Variants in NEURL1B observed in about 807,000 individuals in gnomAD.
The protein encoded by NEURL1B is E3 ubiquitin-protein ligase NEURL1B.
NEURL1B carries 13 observed loss-of-function variants against 37.4 expected under a neutral mutation model. That is an observed-to-expected ratio of 0.35 (90% CI 0.23 to 0.55). NEURL1B has a LOEUF of 0.55. NEURL1B is among the 20% of genes least tolerant of loss of function. The probability of loss-of-function intolerance (pLI) is 0.89; values close to 1 mark genes in which losing one functional copy is unlikely to be tolerated. For synonymous variants in NEURL1B, 432 were observed against 426.6 expected, an observed-to-expected ratio of 1.01 and a Z score of -0.16; for missense variants, 790 against 879.2, an observed-to-expected ratio of 0.90 and a Z score of 1.28.
chr5:172,673,079 A>G (rs7701254), intron 2 of NEURL1B, among the ~76,000 whole-genome samples: 31,537 of 152,108 alleles, frequency 0.21, 4,521 homozygotes, highest in African/African-American at 0.42. Flanking sequence ...ACATCTGGGT[A>G]AAGGGATTAT....
chr5:172,641,500 G>A lies in NEURL1B; in HGVS notation c.31+63G>A, dbSNP rs1330211008. The A allele has an allele frequency of 4.9e-6, 6 of 1,231,436 alleles. No homozygotes were observed. 76.3% of individuals were successfully genotyped at this position (1,231,436 alleles called of 1,614,324 possible). On this transcript the variant is annotated intron_variant, in intron 1 of 4. Coordinates refer to ENST00000369800, the MANE Select transcript of NEURL1B (RefSeq NM_001142651.3). This position sits in a 1 kb window ranked among gnomAD's most constrained non-coding sequence, Gnocchi z 6.4. ...GCTTCTCTCCTCCGGGGGACCCGCT[G>A]GGTGACTCTGGAGAGCTACCCCACG...
intron 1 of NEURL1B, chr5:172,656,690 C>G (rs931626408): frequency 3.4e-6 from 5 of 1,461,366 alleles, no homozygotes; most frequent in East Asian, 2.3e-5. Context: ...GTGGCTTCTT[C>G]TTGCCACCTT....
At chr5:172,656,881 CGAT>C (rs1757790905) in intron 1 of NEURL1B, among the ~76,000 whole-genome samples, 1 of 152,110 alleles carries the variant, frequency 6.6e-6, no homozygotes, top group South Asian at 2.1e-4. Flanking sequence ...CATGGGGCTG[CGAT>C]GATGAATAAA....
At position 172,657,011 on chromosome 5, in the gene NEURL1B, G is replaced by A. The variant is rs1305774161; in HGVS notation, c.32-12774G>A. ...GCTCCCAAAATTGATCTGTGCAGTA[G>A]GACCAAATAGTCCTGCTATAGACTA... On this transcript the variant is annotated intron_variant, in intron 1 of 4. Coordinates refer to ENST00000369800, the MANE Select transcript of NEURL1B (RefSeq NM_001142651.3). This position sits in a 1 kb window ranked among gnomAD's most constrained non-coding sequence, Gnocchi z 4.0. Among the ~76,000 whole-genome samples, 1 of 152,172 alleles carries A rather than the reference G, an allele frequency of 6.6e-6. No individual in the cohort carries two copies. The highest frequency in any genetic ancestry group is 1.5e-5 in the Non-Finnish European group (1 of 68,028).
rs1212915358 is a variant in NEURL1B, at chr5:172,691,474, T to C, written c.*4549T>C. The stretch of plus-strand genomic sequence containing the variant: ...GTGTGTTTTGATTTTTGTCTTTTTA[T>C]CTGTTTTATATTGACATAATTTTCC... On this transcript the variant is annotated 3_prime_UTR_variant, in exon 5 of 5. Transcript: ENST00000369800. 2 of 151,336 alleles carry C rather than the reference T, an allele frequency of 1.3e-5. No homozygotes were observed. The highest frequency in any genetic ancestry group is 1.9e-4 in the East Asian group (1 of 5,144). The allele number at this position is 151,336 out of a possible 1,614,324, so 9.4% of individuals were successfully genotyped here.
chr5:172,642,946 C>G (rs757736955), intron 1 of NEURL1B, among the ~76,000 whole-genome samples: 1 of 152,236 alleles, frequency 6.6e-6, no homozygotes, highest in Non-Finnish European at 1.5e-5. Context: ...TGAGGCACCT[C>G]GGCACAGGCC....
rs1031564077 is a variant in NEURL1B at position 172,647,531 on chromosome 5, C to T, written c.31+6094C>T. 5.3e-5 allele frequency among the ~76,000 whole-genome samples: 8 copies of T among 152,094 alleles called. No homozygotes were observed. The East Asian group carries it at 5.8e-4, about 11-fold the overall frequency. On this transcript the variant is annotated intron_variant, in intron 1 of 4. Transcript: ENST00000369800. The surrounding 1 kb of genome is among the most constrained non-coding windows in gnomAD (Gnocchi z 4.2). ...TCCACACCCCTTCCCCTCCATCCCA[C>T]GGGGCACTGCACCCTGGGGCCTCTT...
rs1443250400 is a variant in NEURL1B at position 172,689,818 on chromosome 5, C to T, written c.*2893C>T. 6.6e-6 allele frequency: 1 copy of T among 152,428 alleles called. No homozygotes were observed. The highest frequency in any genetic ancestry group is 1.5e-5 in the Non-Finnish European group (1 of 68,204). 9.4% of individuals were successfully genotyped at this position (152,428 alleles called of 1,614,324 possible). ...GGGTTCCAGCCCCAGCCAGGCCCCT[C>T]CGCTGCCCACACCCTGGGAGGAGAA... On this transcript the variant is annotated 3_prime_UTR_variant, in exon 5 of 5. Transcript: ENST00000369800.
chr5:172,663,689 G>T (rs1757947650), intron 1 of NEURL1B, among the ~76,000 whole-genome samples: 1 of 151,844 alleles, frequency 6.6e-6, no homozygotes, highest in Admixed American at 6.6e-5. Flanking sequence ...TTGGTCAGAA[G>T]TGGGGGGCAC....
At position 172,687,002 on chromosome 5, in the gene NEURL1B, G is replaced by T. The variant is rs1473541370; in HGVS notation, c.*77G>T. ...CCCTGGGCTGGGCAACCACATGGCT[G>T]CCAGGGAGTCCACGGGCAGCGGCCA... is the stretch of plus-strand genomic sequence containing the variant. On this transcript the variant is annotated 3_prime_UTR_variant, in exon 5 of 5. Transcript: ENST00000369800. The T allele has an allele frequency of 4.1e-6, 6 of 1,470,666 alleles. No individual in the cohort carries two copies. Among genetic ancestry groups the T allele is most frequent in the East Asian group, 2.5e-5 (1 of 40,010 alleles). 91.1% of individuals were successfully genotyped at this position (1,470,666 alleles called of 1,614,324 possible). A position where few individuals can be genotyped will look rare whatever the true frequency, so the allele number is the denominator to read the frequency against.
Position 172,683,598 on chromosome 5 carries a change from G to A in NEURL1B, c.757G>A (p.Asp253Asn), listed in dbSNP as rs1480448531. 4.7e-6 allele frequency: 6 copies of A among 1,274,772 alleles called. No individual in the cohort carries two copies. The highest frequency in any genetic ancestry group is 5.9e-6 in the Non-Finnish European group (6 of 1,010,992). 79.0% of individuals were successfully genotyped at this position (1,274,772 alleles called of 1,614,324 possible). A position where few individuals can be genotyped will look rare whatever the true frequency, so the allele number is the denominator to read the frequency against. The change falls in exon 3 of 5, where the codon GAC becomes AAC. Residue 253 changes from aspartate (D) to asparagine (N), a missense_variant. Transcript: ENST00000369800. This position sits in a 1 kb window ranked among gnomAD's most constrained non-coding sequence, Gnocchi z 5.6. ...CCGCGCCCCGGGCCCACCGCCAGCC[G>A]ACGCCGCGGCCGCCGCCATTCCGTG... Reference protein sequence around the residue: ...LGRAPGPPPADAAAAAIPCGP... With the variant: ...LGRAPGPPPANAAAAAIPCGP...
At position 172,683,839 on chromosome 5, in the gene NEURL1B, C is replaced by T. The variant is rs1258938911; in HGVS notation, c.998C>T (p.Ala333Val). The T allele has an allele frequency of 1.5e-6, 2 of 1,325,508 alleles. No individual in the cohort carries two copies. The highest frequency in any genetic ancestry group is 1.7e-5 in the South Asian group (1 of 57,990). 82.1% of individuals were successfully genotyped at this position (1,325,508 alleles called of 1,614,324 possible). The change falls in exon 3 of 5, where the codon GCG (alanine) becomes GTG (valine). Residue 333 changes from alanine (A) to valine (V), a missense_variant. Transcript: ENST00000369800. This position sits in a 1 kb window ranked among gnomAD's most constrained non-coding sequence, Gnocchi z 5.6. ...GTGGAGGTGGGCCGTCCGGGGCTGG[C>T]GGCGCCCGGCGCGCTGGCCTTCGGC... The part of the protein sequence containing the change: ...LFVEVGRPGL[A>V]APGALAFGIT...
At chr5:172,652,526 C>T (rs917969335) in intron 1 of NEURL1B, among the ~76,000 whole-genome samples, 2 of 152,186 alleles carry the variant, frequency 1.3e-5, no homozygotes, top group South Asian at 2.1e-4. Flanking sequence ...TTACAGAAAC[C>T]GGTTGGGGCA....
chr5:172,684,086 C>A lies in NEURL1B; in HGVS notation c.1245C>A (p.Leu415=). The A allele has an allele frequency of 7.7e-7, 1 of 1,292,554 alleles. No homozygotes were observed. The highest frequency in any genetic ancestry group is 2.2e-5 in the South Asian group (1 of 45,754). The allele number at this position is 1,292,554 out of a possible 1,614,324, so 80.1% of individuals were successfully genotyped here. A position where few individuals can be genotyped will look rare whatever the true frequency, so the allele number is the denominator to read the frequency against. ...TGTGCGTCGACACCACGCAGGCGCT[C>A]TGGGCCTTCTTCGCCGTGCGCGGCG... ...RLLCVDTTQA[L]WAFFAVRGGV... The change falls in exon 3 of 5, where the codon CTC becomes CTA. Residue 415 remains leucine, a synonymous_variant. Coordinates refer to ENST00000369800, the MANE Select transcript of NEURL1B (RefSeq NM_001142651.3).
chr5:172,650,849 G>A (rs1757650046), intron 1 of NEURL1B, among the ~76,000 whole-genome samples: 2 of 152,190 alleles, frequency 1.3e-5, no homozygotes, highest in African/African-American at 4.8e-5. Context: ...AATTCCGATT[G>A]GCTAATTTAA....
chr5:172,684,170 C>CT, intron 3 of NEURL1B, 32 bp downstream of exon 3: 1 of 1,212,772 alleles, frequency 8.2e-7, no homozygotes, highest in Non-Finnish European at 1.0e-6. Flanking sequence ...CGCGAGGCCC[C>CT]GCCCCTCCCC....
At chr5:172,671,403 C>G (rs6889633) in intron 2 of NEURL1B, among the ~76,000 whole-genome samples, 193 of 152,296 alleles carry the variant, frequency 1.3e-3, no homozygotes, top group African/African-American at 4.5e-3. Flanking sequence ...TAAAGGTTTG[C>G]AGGTGTTGAC....
Position 172,684,043 on chromosome 5 carries a change from G to T in NEURL1B, c.1202G>T (p.Arg401Leu). 7.5e-7 allele frequency: 1 copy of T among 1,334,036 alleles called. No homozygotes were observed. Among genetic ancestry groups the T allele is most frequent in the Non-Finnish European group, 9.6e-7 (1 of 1,039,916 alleles). The allele number at this position is 1,334,036 out of a possible 1,614,324, so 82.6% of individuals were successfully genotyped here. A position where few individuals can be genotyped will look rare whatever the true frequency, so the allele number is the denominator to read the frequency against. Reference sequence around the variant, plus strand: ...GACGTGCTCCTGGGCATCAACGGGCGTCCGCGCGGCCGCCTGCTGTGCGTC... The same window carrying T: ...GACGTGCTCCTGGGCATCAACGGGCTTCCGCGCGGCCGCCTGCTGTGCGTC... ...GGDVLLGING[R>L]PRGRLLCVDT... The change falls in exon 3 of 5, where the codon CGT (arginine) becomes CTT (leucine). Residue 401 changes from arginine (R) to leucine (L), a missense_variant. Coordinates refer to ENST00000369800, the MANE Select transcript of NEURL1B (RefSeq NM_001142651.3).
At chr5:172,668,411 C>A (rs117287207) in intron 1 of NEURL1B, among the ~76,000 whole-genome samples, 3 of 152,190 alleles carry the variant, frequency 2.0e-5, no homozygotes, top group Non-Finnish European at 2.9e-5. Context: ...AGCTTCCAGG[C>A]GTGATTTCCT....
Sources: allele counts gnomAD v4.1 joint callset (sites outside exome capture counted in the v4.1 genomes callset), GRCh38; gene constraint gnomAD v4.1.1; non-coding constraint Gnocchi (gnomAD v3.1); transcripts MANE v1.5; gene names NCBI Gene and HGNC (gene_info 2026-07-23, HGNC 2026-07-21).